The following VAPA variants were observed in gnomAD, a reference collection of about 807,000 sequenced individuals.
VAPA encodes VAMP associated protein A, also known as vesicle-associated membrane protein-associated protein A.
VAPA carries 6 observed loss-of-function variants against 25.6 expected under a neutral mutation model. That is an observed-to-expected ratio of 0.23 (90% confidence interval 0.13 to 0.46). The LOEUF is 0.46. Ranked by LOEUF, VAPA falls within the 20% of genes least tolerant of loss-of-function variation. VAPA has a pLI of 0.99. For missense variants in VAPA, 244 were observed against 302.1 expected, an observed-to-expected ratio of 0.81 and a Z score of 1.43; for synonymous variants, 112 against 106.2, an observed-to-expected ratio of 1.05 and a Z score of -0.34.
chr18:9,932,693 A>G (rs890918779), intron 2 of VAPA, among the ~76,000 whole-genome samples: 1 of 152,172 alleles, frequency 6.6e-6, no homozygotes, highest in Non-Finnish European at 1.5e-5. Flanking sequence ...CTCAGGCTGC[A>G]TTTACTCTTT....
At chr18:9,919,489 AT>A (rs2069139236) in intron 1 of VAPA, among the ~76,000 whole-genome samples, 1 of 152,364 alleles carries the variant, frequency 6.6e-6, no homozygotes, top group East Asian at 1.9e-4. Context: ...AATCAGAAGA[AT>A]AAAGTGTACC....
chr18:9,914,200 G>A lies in VAPA; in HGVS notation c.-57G>A. On this transcript the variant is annotated 5_prime_UTR_variant, in exon 1 of 6. Transcript: ENST00000400000. ...CGAGCCGTCGCCGCCGTCGTCCCCC[G>A]CCCCCAGTCAGCAAACCGCCGCCGC... is the stretch of plus-strand genomic sequence containing the variant. 4 of 1,490,534 alleles carry A rather than the reference G, an allele frequency of 2.7e-6. No homozygotes were observed. Among genetic ancestry groups the A allele is most frequent in the East Asian group, 2.8e-5 (1 of 35,780 alleles). 92.3% of individuals were successfully genotyped at this position (1,490,534 alleles called of 1,614,324 possible). A position where few individuals can be genotyped will look rare whatever the true frequency, so the allele number is the denominator to read the frequency against.
At chr18:9,942,901 T>C (rs1464851948) in intron 4 of VAPA, among the ~76,000 whole-genome samples, 1 of 152,136 alleles carries the variant, frequency 6.6e-6, no homozygotes, top group African/African-American at 2.4e-5. Context: ...CAATTTGACA[T>C]GGGATTTGCC....
Position 9,950,411 on chromosome 18 carries a change from G to C in VAPA, c.434G>C (p.Ser145Thr). ...ENDKLNDMEP[S>T]KAVPLNASKQ... ...GTAATGCAGAATGATATGGAACCTA[G>C]CAAAGCTGTTCCACTGAATGCATCT... Residue 145 changes from serine to threonine, a missense_variant, in exon 5 of 6, where the codon AGC (serine) becomes ACC (threonine). Ser to Thr is a moderately conservative substitution (Grantham distance 58). Coordinates refer to ENST00000400000, the MANE Select transcript of VAPA (RefSeq NM_194434.3). 1 of 1,613,584 alleles carries C rather than the reference G, an allele frequency of 6.2e-7. No individual in the cohort carries two copies. Among genetic ancestry groups the C allele is most frequent in the Non-Finnish European group, 8.5e-7 (1 of 1,179,856 alleles).
At chr18:9,937,742 T>C (rs1355583117) in intron 4 of VAPA, among the ~76,000 whole-genome samples, 1 of 152,170 alleles carries the variant, frequency 6.6e-6, no homozygotes, top group Non-Finnish European at 1.5e-5. Flanking sequence ...AGATAAATTT[T>C]TCTGTGTGTG....
Position 9,954,763 on chromosome 18 carries a change from CA to C in VAPA, c.*554del, listed in dbSNP as rs1396602815. ...TTGTTGACTGAGTTTTTCATCCTTA[CA>C]ATCCTGTCCCATGGTATTTAACATA... On this transcript the variant is annotated 3_prime_UTR_variant, in exon 6 of 6. Transcript: ENST00000400000. 6.6e-6 allele frequency: 1 copy of C among 152,536 alleles called. No individual in the cohort carries two copies. Among genetic ancestry groups the C allele is most frequent in the Non-Finnish European group, 1.5e-5 (1 of 68,048 alleles). 9.4% of individuals were successfully genotyped at this position (152,536 alleles called of 1,614,324 possible).
chr18:9,939,214 C>G (rs2069341744), intron 4 of VAPA, among the ~76,000 whole-genome samples: 2 of 146,616 alleles, frequency 1.4e-5, no homozygotes, highest in Admixed American at 6.9e-5. Flanking sequence ...CTCTGTTGCT[C>G]AGGCTGGAGT....
At chr18:9,939,173 CTTT>C (rs748625580) in intron 4 of VAPA, among the ~76,000 whole-genome samples, 6 of 137,880 alleles carry the variant, frequency 4.4e-5, no homozygotes, top group Admixed American at 7.3e-5. Context: ...AATAGTTCTT[CTTT>C]TTTTTTTTTT....
At chr18:9,921,459 TATAA>T (rs2069156143) in intron 1 of VAPA, among the ~76,000 whole-genome samples, 2 of 152,348 alleles carry the variant, frequency 1.3e-5, no homozygotes, top group South Asian at 4.1e-4. Context: ...GAAAAATGCA[TATAA>T]AGAATAGGGA....
At chr18:9,914,421 G>T (rs2143259087) in intron 1 of VAPA, 86 bp downstream of exon 1, 4 of 1,234,060 alleles carry the variant, frequency 3.2e-6, no homozygotes, top group Admixed American at 8.1e-5. Context: ...CACGTCCGCG[G>T]CCCTGGCCCG....
chr18:9,919,067 A>G (rs562017936), intron 1 of VAPA, among the ~76,000 whole-genome samples: 3 of 152,040 alleles, frequency 2.0e-5, no homozygotes, highest in Admixed American at 2.0e-4. Context: ...TTTTACGTAC[A>G]TATGGGGGTG....
intron 4 of VAPA, among the ~76,000 whole-genome samples, chr18:9,945,830 TTAGAG>T (rs1197313557): frequency 1.3e-5 from 2 of 152,196 alleles, no homozygotes; most frequent in Admixed American, 6.5e-5. Flanking sequence ...AATTGGCTGT[TTAGAG>T]TGGGAAAAAA....
intron 1 of VAPA, among the ~76,000 whole-genome samples, chr18:9,924,517 G>C (rs1461862466): frequency 6.6e-6 from 1 of 152,112 alleles, no homozygotes; most frequent in Non-Finnish European, 1.5e-5. Flanking sequence ...TCTCTGCCTT[G>C]TTTTCAAGAT....
At position 9,956,038 on chromosome 18, in the gene VAPA, T is replaced by A. The variant is rs1028285524; in HGVS notation, c.*1827T>A. 2.6e-5 allele frequency: 4 copies of A among 152,226 alleles called. No individual in the cohort carries two copies. Among genetic ancestry groups the A allele is most frequent in the African/African-American group, 9.6e-5 (4 of 41,456 alleles). The allele number at this position is 152,226 out of a possible 1,614,324, so 9.4% of individuals were successfully genotyped here. On this transcript the variant is annotated 3_prime_UTR_variant, in exon 6 of 6. Transcript: ENST00000400000. ...TTGGTGGTAAATACCAAGTTTGGTA[T>A]CTCATAGCTATCTTTTTTTAAAGAA...
chr18:9,919,293 A>G lies in VAPA; in HGVS notation c.79+4958A>G, dbSNP rs187353251. ...TGACATAATCCCTTTGTCCACTTCA[A>G]TGTGTTTCTACTTCCAAATTCATTT... On this transcript the variant is annotated intron_variant, in intron 1 of 5. Transcript: ENST00000400000. 3.5e-4 allele frequency among the ~76,000 whole-genome samples: 53 copies of G among 152,338 alleles called. No individual in the cohort carries two copies. In the South Asian group the frequency reaches 7.9e-3, roughly 23 times the overall value.
chr18:9,926,929 C>A (rs17732947), intron 1 of VAPA, among the ~76,000 whole-genome samples: 3,985 of 152,210 alleles, frequency 0.026, 61 homozygotes, highest in Middle Eastern at 0.071. Context: ...CCTAAACACA[C>A]CTCTGAGTAA....
rs1042258376 is a variant in VAPA at position 9,957,825 on chromosome 18, G to C, written c.*3614G>C. On this transcript the variant is annotated 3_prime_UTR_variant, in exon 6 of 6. Coordinates refer to ENST00000400000, the MANE Select transcript of VAPA (RefSeq NM_194434.3). ...CTGATGGCAGATAGTCTCTTGCTTA[G>C]TGAGATGGAGTTAACTATTTTTTAG... 2 of 152,210 alleles carry C rather than the reference G, an allele frequency of 1.3e-5. No individual in the cohort carries two copies. Among genetic ancestry groups the C allele is most frequent in the East Asian group, 1.9e-4 (1 of 5,202 alleles). The allele number at this position is 152,210 out of a possible 1,614,324, so 9.4% of individuals were successfully genotyped here.
intron 1 of VAPA, among the ~76,000 whole-genome samples, chr18:9,919,069 A>G (rs1247157767): frequency 2.0e-5 from 3 of 151,940 alleles, no homozygotes; most frequent in Admixed American, 6.6e-5. Flanking sequence ...TTACGTACAT[A>G]TGGGGGTGCC....
chr18:9,929,336 C>T (rs2069230045), intron 1 of VAPA, among the ~76,000 whole-genome samples: 1 of 152,080 alleles, frequency 6.6e-6, no homozygotes, highest in South Asian at 2.1e-4. Context: ...GCAGTTACCA[C>T]CTAAAGGGTT....
Sources: gnomAD v4.1 joint callset for allele counts (sites outside exome capture counted in the v4.1 genomes callset) on GRCh38, gnomAD v4.1.1 for gene constraint, MANE v1.5 for transcripts, NCBI Gene and HGNC (gene_info 2026-07-23, HGNC 2026-07-21) for gene names.